The following ZBTB11 variants were observed in gnomAD, a reference collection of about 807,000 sequenced individuals.
The protein encoded by ZBTB11 is zinc finger and BTB domain-containing protein 11.
A neutral mutation model predicts 113.1 loss-of-function variants in ZBTB11; 68 were observed. The ratio of observed to expected loss-of-function variants is 0.60; its 90% CI spans 0.49 to 0.74. The LOEUF (loss-of-function observed/expected upper bound fraction) is 0.74, where lower values mean the gene tolerates loss of function less well. Ranked by LOEUF, ZBTB11 falls within the 30% of genes least tolerant of loss-of-function variation. ZBTB11 has a pLI of 0.00. For missense variants in ZBTB11, 1,104 were observed against 1,279.4 expected (o/e 0.86, Z 2.09); for synonymous variants, 518 against 452.6 (o/e 1.14, Z -1.83).
At position 101,665,011 on chromosome 3, in the gene ZBTB11, T is replaced by C; in HGVS notation, c.1576A>G (p.Lys526Glu). 6.2e-7 allele frequency: 1 copy of C among 1,613,088 alleles called. No homozygotes were observed. Among genetic ancestry groups the C allele is most frequent in the Admixed American group, 1.7e-5 (1 of 59,892 alleles). ...AYIRLHKGME[K>E]KLQKRKAVPK... ...ACGGCTTTCCGTTTCTGCAGCTTTT[T>C]CTCCATTCCCTTGTGTAGTCGAATA... The change falls in exon 4 of 11, where the codon AAA (lysine) becomes GAA (glutamate). Residue 526 changes from lysine (K) to glutamate (E), a missense_variant. Transcript: ENST00000312938.
intron 6 of ZBTB11, among the ~76,000 whole-genome samples, chr3:101,659,064 C>T (rs757162001): frequency 9.2e-5 from 14 of 152,106 alleles, no homozygotes; most frequent in Non-Finnish European, 4.4e-5. Context: ...CATAGTTAGG[C>T]CCCATCTCCA....
At chr3:101,655,376 C>G (rs1046847692) in intron 7 of ZBTB11, among the ~76,000 whole-genome samples, 13 of 152,178 alleles carry the variant, frequency 8.5e-5, no homozygotes, top group Admixed American at 8.5e-4. Flanking sequence ...TGTAATAGTA[C>G]TAGAGTTGAA....
intron 2 of ZBTB11, 90 bp from the exon 3 acceptor site, chr3:101,671,451 C>A (rs997081930): frequency 1.1e-6 from 1 of 871,466 alleles, no homozygotes; most frequent in African/African-American, 1.7e-5. Flanking sequence ...TACATATTAC[C>A]TTTTACCAGG....
Position 101,671,057 on chromosome 3 carries a change from TG to T in ZBTB11, c.778+72del, listed in dbSNP as rs1244574951. ...CTTACTTTGGCATAAAGTCCGTGTG[TG>T]GAAGACATACATATCCCCCTCTTCT... On this transcript the variant is annotated intron_variant, in intron 3 of 10. Transcript: ENST00000312938. 3 of 1,271,576 alleles carry T rather than the reference TG, an allele frequency of 2.4e-6. No homozygotes were observed. The African/African-American group carries it at 4.5e-5, about 19-fold the overall frequency. The allele number at this position is 1,271,576 out of a possible 1,614,324, so 78.8% of individuals were successfully genotyped here. A position where few individuals can be genotyped will look rare whatever the true frequency, so the allele number is the denominator to read the frequency against.
Position 101,672,931 on chromosome 3 carries a change from T to G in ZBTB11, c.311-718A>C, listed in dbSNP as rs937778597. Reference sequence around the variant, plus strand: ...GCAATGTCCCAGAGGGATGTTGTTCTTAAACCTGAATTTCAGATGAAAAAA... The same window carrying G: ...GCAATGTCCCAGAGGGATGTTGTTCGTAAACCTGAATTTCAGATGAAAAAA... On this transcript the variant is annotated intron_variant, in intron 1 of 10. Coordinates refer to ENST00000312938, the MANE Select transcript of ZBTB11 (RefSeq NM_014415.4). 8.5e-5 allele frequency among the ~76,000 whole-genome samples: 13 copies of G among 152,232 alleles called. 1 individual carries two copies. The highest frequency in any genetic ancestry group is 5.2e-4 in the Admixed American group (8 of 15,284).
intron 2 of ZBTB11, chr3:101,671,596 A>G (rs1319357768): frequency 1.7e-6 from 1 of 583,024 alleles, no homozygotes; most frequent in Non-Finnish European, 3.0e-6. Context: ...GCCTCTTCTT[A>G]CTAATCAGAA....
chr3:101,655,982 TGTCTCAATACAAAATTGA>T (rs1417839864), intron 7 of ZBTB11, 104 bp downstream of exon 7: 2 of 852,950 alleles, frequency 2.3e-6, no homozygotes, highest in African/African-American at 1.8e-5. Context: ...TTTAAAATAC[TGTCTCAATACAAAATTGA>T]GCACACACGA....
In ZBTB11 at chr3:101,656,173, GGAAC is replaced by G; in HGVS notation, c.2118_2121del (p.Gln706HisfsTer20). 1 of 1,600,144 alleles carries G rather than the reference GGAAC, an allele frequency of 6.2e-7. No homozygotes were observed. Among genetic ancestry groups the G allele is most frequent in the Non-Finnish European group, 8.5e-7 (1 of 1,173,706 alleles). On this transcript the variant is annotated frameshift_variant, in exon 7 of 11. Transcript: ENST00000312938. LOFTEE classifies it high-confidence loss of function. ...AATGACTTAACACACAGTTCACACT[GGAAC>G]TGCTTCTGTGATTGATGAAGACTCT...
At position 101,677,127 on chromosome 3, in the gene ZBTB11, G is replaced by A. The variant is rs1431540307; in HGVS notation, c.-213C>T. 1.1e-5 allele frequency: 6 copies of A among 551,230 alleles called. No individual in the cohort carries two copies. The highest frequency in any genetic ancestry group is 7.9e-5 in the African/African-American group (4 of 50,902). 34.1% of individuals were successfully genotyped at this position (551,230 alleles called of 1,614,324 possible). ...CTTCTCCAGCGCGCGGGATCCGCTG[G>A]CGACTGACAAAATGGCTGCTGCACC... On this transcript the variant is annotated 5_prime_UTR_variant, in exon 1 of 11. Transcript: ENST00000312938.
rs370728651 is a variant in ZBTB11 at position 101,671,337 on chromosome 3, G to T, written c.571C>A (p.Arg191Ser). 1.9e-6 allele frequency: 3 copies of T among 1,614,096 alleles called. No individual in the cohort carries two copies. The highest frequency in any genetic ancestry group is 2.5e-6 in the Non-Finnish European group (3 of 1,179,996). The change falls in exon 3 of 11, where the codon CGT (arginine) becomes AGT (serine). Residue 191 changes from arginine (R) to serine (S), a missense_variant. By Grantham distance (110) the Arg-to-Ser change is moderately radical. Around this residue, in one of 5 missense-constraint regions of ZBTB11, gnomAD observed 245 missense variants for 272.5 expected, o/e 0.90. Transcript: ENST00000312938. ...VFVDTKGVVK[R>S]SSPKHCQAVL... Reference sequence around the variant, plus strand: ...GCCTGACAATGTTTTGGAGAAGAACGTTTTACCACTCCTTTGGTGTCAACC... The same window carrying T: ...GCCTGACAATGTTTTGGAGAAGAACTTTTTACCACTCCTTTGGTGTCAACC...
At chr3:101,670,191 G>A (rs1299619158) in intron 3 of ZBTB11, among the ~76,000 whole-genome samples, 1 of 152,184 alleles carries the variant, frequency 6.6e-6, no homozygotes, top group African/African-American at 2.4e-5. Context: ...CCCAGAAGAG[G>A]TAGGACTAAA....
chr3:101,676,537 C>T (rs1375280227), intron 1 of ZBTB11, 68 bp downstream of exon 1: 9 of 1,412,756 alleles, frequency 6.4e-6, no homozygotes, highest in Non-Finnish European at 7.4e-6. Flanking sequence ...TACGCATAGG[C>T]CTCGCCAGCG....
At chr3:101,671,446 AT>A in intron 2 of ZBTB11, 85 bp from the exon 3 acceptor site, 1 of 918,850 alleles carries the variant, frequency 1.1e-6, no homozygotes, top group Admixed American at 2.1e-5. Context: ...CACATTACAT[AT>A]TACCTTTTAC....
At position 101,671,978 on chromosome 3, in the gene ZBTB11, A is replaced by T. The variant is rs1937093039; in HGVS notation, c.546T>A (p.Phe182Leu). The T allele has an allele frequency of 6.2e-7, 1 of 1,612,420 alleles. No individual in the cohort carries two copies. Residue 182 changes from phenylalanine to leucine, a missense_variant and splice_region_variant, in exon 2 of 11, where the codon TTT becomes TTA. Physicochemically the swap from Phe to Leu is conservative, Grantham distance 22. This residue lies in a region of ZBTB11 where 245 missense variants were observed against 272.5 expected (regional missense o/e 0.90). Transcript: ENST00000312938. ...KKPVSKHELV[F>L]VDTKGVVKRS... ...AAGCTGACTGGAGAGTACCACTTAC[A>T]AACACAAGTTCATGTTTGGATACTG... is the stretch of plus-strand genomic sequence containing the variant.
At chr3:101,669,035 A>AT (rs80012472) in intron 3 of ZBTB11, among the ~76,000 whole-genome samples, 45,724 of 151,560 alleles carry the variant, frequency 0.3, 7,192 homozygotes, top group Non-Finnish European at 0.34. Flanking sequence ...TTATGATAAA[A>AT]TTTTTTTTTG....
intron 10 of ZBTB11, among the ~76,000 whole-genome samples, chr3:101,652,160 T>C (rs1004980497): frequency 1.3e-5 from 2 of 152,080 alleles, no homozygotes; most frequent in Non-Finnish European, 2.9e-5. Flanking sequence ...GATTCTGAAC[T>C]ATAAATCTCT....
chr3:101,654,677 T>C, intron 8 of ZBTB11, 27 bp downstream of exon 8: 2 of 1,551,616 alleles, frequency 1.3e-6, no homozygotes. Flanking sequence ...TTAAATTAAC[T>C]GAATGCCTCA....
chr3:101,651,094 AG>A lies in ZBTB11; in HGVS notation c.*71del. 6.8e-7 allele frequency: 1 copy of A among 1,477,100 alleles called. No individual in the cohort carries two copies. The allele number at this position is 1,477,100 out of a possible 1,614,324, so 91.5% of individuals were successfully genotyped here. ...GTAAACTCCAAGCAGACAGTCACAC[AG>A]AATTGTAAACAAATGTTCTGTGAGT... On this transcript the variant is annotated 3_prime_UTR_variant, in exon 11 of 11. Transcript: ENST00000312938.
In ZBTB11 at chr3:101,667,340, G is replaced by A. The variant is rs990324857; in HGVS notation, c.779-1532C>T. Among the ~76,000 whole-genome samples the A allele has an allele frequency of 1.2e-4, 18 of 152,250 alleles. No individual in the cohort carries two copies. The East Asian group carries it at 1.4e-3, about 11-fold the overall frequency. ...CAGGTGTGAGCCACTACACCTAGAC[G>A]GAGGCAAATATTCTAATTCCGCCTT... On this transcript the variant is annotated intron_variant, in intron 3 of 10. Coordinates refer to ENST00000312938, the MANE Select transcript of ZBTB11 (RefSeq NM_014415.4).
Sources: gnomAD v4.1 joint callset for allele counts (sites outside exome capture counted in the v4.1 genomes callset) on GRCh38, gnomAD v4.1.1 for gene constraint, gnomAD v4.1.1 regional missense constraint, MANE v1.5 for transcripts, NCBI Gene and HGNC (gene_info 2026-07-23, HGNC 2026-07-21) for gene names.